The following WDR27 variants were observed in gnomAD, a reference collection of about 807,000 sequenced individuals.
WDR27 encodes the protein WD repeat-containing protein 27.
WDR27 carries 100 observed loss-of-function variants against 114.4 expected under a neutral mutation model. The observed-to-expected ratio is 0.87, with a 90% CI of 0.74 to 1.03. WDR27 has a LOEUF of 1.03. WDR27 is among the 50% of genes least tolerant of loss of function. The probability of loss-of-function intolerance (pLI) is 0.00; values close to 1 mark genes in which losing one functional copy is unlikely to be tolerated. For synonymous variants in WDR27, 449 were observed against 423.1 expected, an observed-to-expected ratio of 1.06 and a Z score of -0.75; for missense variants, 1,129 against 1,092.9, an observed-to-expected ratio of 1.03 and a Z score of -0.47.
At position 169,632,981 on chromosome 6, in the gene WDR27, T is replaced by C. The variant is rs779982410; in HGVS notation, c.2189A>G (p.His730Arg). The change falls in exon 21 of 26, where the codon CAC becomes CGC. Residue 730 changes from histidine to arginine, a missense_variant. Coordinates refer to ENST00000448612, the MANE Select transcript of WDR27 (RefSeq NM_182552.5). ...GCSAAVIAEAHSRPVHQICQN... is the reference protein window; with the variant it reads ...GCSAAVIAEARSRPVHQICQN... The stretch of plus-strand genomic sequence containing the variant: ...GCAGATTTGATGGACAGGCCGTGAG[T>C]GGGCTTCCGCTATCACCGCTGCACT... 21 of 1,595,394 alleles carry C rather than the reference T, an allele frequency of 1.3e-5. No individual in the cohort carries two copies. In the East Asian group the frequency reaches 1.6e-4, roughly 12 times the overall value.
intron 13 of WDR27, among the ~76,000 whole-genome samples, chr6:169,652,674 G>A (rs1002117568): frequency 2.6e-5 from 4 of 152,228 alleles, no homozygotes; most frequent in Non-Finnish European, 4.4e-5. Context: ...TACTGTAAAT[G>A]AAACATATCC....
the WDR27 span, among the ~76,000 whole-genome samples, chr6:169,446,615 GC>G: frequency 6.6e-6 from 1 of 152,168 alleles, no homozygotes; most frequent in Non-Finnish European, 1.5e-5. Context: ...AAAACACAAA[GC>G]AGGAGGAAAG....
Position 169,651,814 on chromosome 6 carries a change from A to G in WDR27, c.1481+116T>C. ...CATTTTAACTTCTGTTTCTATTGCT[A>G]TGTCCTCTCTCCATACTGTGGCCCT... is the stretch of plus-strand genomic sequence containing the variant. On this transcript the variant is annotated intron_variant, in intron 14 of 25. Transcript: ENST00000448612. 7.0e-6 allele frequency: 6 copies of G among 862,414 alleles called. No individual in the cohort carries two copies. In the East Asian group the frequency reaches 8.2e-5, roughly 12 times the overall value. The allele number at this position is 862,414 out of a possible 1,614,324, so 53.4% of individuals were successfully genotyped here. A position where few individuals can be genotyped will look rare whatever the true frequency, so the allele number is the denominator to read the frequency against.
intron 14 of WDR27, among the ~76,000 whole-genome samples, chr6:169,651,196 T>A (rs7767767): frequency 2.6e-4 from 3 of 11,672 alleles, no homozygotes; most frequent in Admixed American, 9.0e-4. Flanking sequence ...GGGGGGGGAG[T>A]GGGGGAGTGG....
the WDR27 span, among the ~76,000 whole-genome samples, chr6:169,447,717 G>C: frequency 6.6e-6 from 1 of 152,166 alleles, no homozygotes; most frequent in Non-Finnish European, 1.5e-5. Flanking sequence ...AAGTATTCAA[G>C]TACTACTTTG....
intron 25 of WDR27, among the ~76,000 whole-genome samples, chr6:169,550,428 T>A (rs1345178917): frequency 6.6e-6 from 1 of 152,122 alleles, no homozygotes; most frequent in African/African-American, 2.4e-5. Flanking sequence ...TTTATTTATT[T>A]ATTTATTTTG....
chr6:169,533,275 G>A (rs2128082917), intron 25 of WDR27, among the ~76,000 whole-genome samples: 1 of 149,566 alleles, frequency 6.7e-6, no homozygotes, highest in South Asian at 2.2e-4. Flanking sequence ...ACATGGGTTG[G>A]AGTAAATGGC....
the WDR27 span, among the ~76,000 whole-genome samples, chr6:169,430,132 C>T: frequency 1.1e-4 from 17 of 152,312 alleles, no homozygotes; most frequent in East Asian, 1.7e-3. Flanking sequence ...GAGTGGCACA[C>T]GTCAAACCCA....
chr6:169,626,867 G>T (rs897631067), intron 21 of WDR27, among the ~76,000 whole-genome samples: 1 of 152,234 alleles, frequency 6.6e-6, no homozygotes, highest in African/African-American at 2.4e-5. Flanking sequence ...CTGGGCATGA[G>T]GATGCCCCGC....
intron 25 of WDR27, among the ~76,000 whole-genome samples, chr6:169,552,471 T>G (rs1199593918): frequency 6.6e-6 from 1 of 152,172 alleles, no homozygotes; most frequent in Non-Finnish European, 1.5e-5. Flanking sequence ...ATGATATATA[T>G]TTAACAGCCG....
chr6:169,462,979 C>T (rs191146703), intron 25 of WDR27, among the ~76,000 whole-genome samples: 84 of 152,266 alleles, frequency 5.5e-4, no homozygotes, highest in African/African-American at 1.9e-3. Flanking sequence ...ACAATAAAAG[C>T]TGTATATATT....
At chr6:169,618,615 C>A (rs1812405646) in intron 21 of WDR27, among the ~76,000 whole-genome samples, 1 of 98,978 alleles carries the variant, frequency 1.0e-5, no homozygotes, top group African/African-American at 3.9e-5. Flanking sequence ...TGGTGGTGCA[C>A]TTGGATGACT....
chr6:169,643,353 A>T (rs1371300729), intron 17 of WDR27, among the ~76,000 whole-genome samples: 1 of 152,242 alleles, frequency 6.6e-6, no homozygotes, highest in Non-Finnish European at 1.5e-5. Context: ...AACCCCACTA[A>T]ATTTCAAAAT....
intron 25 of WDR27, among the ~76,000 whole-genome samples, chr6:169,509,051 A>G (rs2115520145): frequency 1.3e-5 from 2 of 152,322 alleles, no homozygotes; most frequent in East Asian, 3.9e-4. Context: ...AGAATAAAAT[A>G]CCTAGGAATC....
At chr6:169,457,884 G>A (rs376864576) in intron 25 of WDR27, among the ~76,000 whole-genome samples, 3 of 151,580 alleles carry the variant, frequency 2.0e-5, no homozygotes, top group African/African-American at 4.8e-5. Flanking sequence ...CCTCTATGGT[G>A]CACAAAAGGG....
chr6:169,695,433 C>T (rs1785646654), intron 1 of WDR27, among the ~76,000 whole-genome samples: 1 of 152,194 alleles, frequency 6.6e-6, no homozygotes, highest in Non-Finnish European at 1.5e-5. Flanking sequence ...ACTGTGGCTT[C>T]CTCTAGGCAT....
chr6:169,629,927 CAAAAAA>C (rs747455041), intron 21 of WDR27, among the ~76,000 whole-genome samples: 6 of 52,424 alleles, frequency 1.1e-4, no homozygotes, highest in African/African-American at 4.5e-4. Flanking sequence ...AACTTCATCT[CAAAAAA>C]AAAAAAAAAA....
chr6:169,621,511 T>C (rs1254332369), intron 21 of WDR27, among the ~76,000 whole-genome samples: 2 of 150,588 alleles, frequency 1.3e-5, no homozygotes, highest in African/African-American at 2.5e-5. Context: ...CACACATGCA[T>C]TCACACATAT....
chr6:169,439,478 A>G, the WDR27 span, among the ~76,000 whole-genome samples: 1 of 152,158 alleles, frequency 6.6e-6, no homozygotes, highest in Non-Finnish European at 1.5e-5. Context: ...CTCAGTACAG[A>G]TGTCTAGTAA....
Sources: allele counts gnomAD v4.1 joint callset (sites outside exome capture counted in the v4.1 genomes callset), GRCh38; gene constraint gnomAD v4.1.1; transcripts MANE v1.5; gene names NCBI Gene and HGNC (gene_info 2026-07-23, HGNC 2026-07-21).